Variants in CLSTN2 observed in about 807,000 individuals in gnomAD.
CLSTN2 encodes calsyntenin 2, also known as calsyntenin-2.
A neutral mutation model predicts 101.2 loss-of-function variants in CLSTN2; 48 were observed. The observed-to-expected ratio is 0.47, with a 90% CI of 0.38 to 0.60. The LOEUF is 0.60. CLSTN2 is among the 20% of genes least tolerant of loss of function. CLSTN2 has a pLI of 0.00. For synonymous variants in CLSTN2, 481 were observed against 463.6 expected (o/e 1.04, Z -0.48); for missense variants, 1,160 against 1,238.2 (o/e 0.94, Z 0.95).
At chr3:140,153,458 G>T (rs535254953) in intron 1 of CLSTN2, among the ~76,000 whole-genome samples, 1 of 152,366 alleles carries the variant, frequency 6.6e-6, no homozygotes, top group East Asian at 1.9e-4. Context: ...TCCAGTTCTG[G>T]GGCAGGCCCT....
intron 6 of CLSTN2, among the ~76,000 whole-genome samples, chr3:140,455,690 G>C (rs1933381784): frequency 6.6e-6 from 1 of 152,184 alleles, no homozygotes; most frequent in African/African-American, 2.4e-5. Context: ...TGTGTAGACA[G>C]TGCTGTATCA....
At chr3:140,100,835 A>G (rs2008953738) in intron 1 of CLSTN2, among the ~76,000 whole-genome samples, 1 of 152,236 alleles carries the variant, frequency 6.6e-6, no homozygotes, top group African/African-American at 2.4e-5. Context: ...GTGATGGTTC[A>G]TAATGGCTCC....
At chr3:140,407,921 G>T (rs930221146) in intron 4 of CLSTN2, among the ~76,000 whole-genome samples, 1 of 152,164 alleles carries the variant, frequency 6.6e-6, no homozygotes, top group Admixed American at 6.5e-5. Flanking sequence ...CAGGATGCAT[G>T]GCAGTGATGT....
intron 2 of CLSTN2, among the ~76,000 whole-genome samples, chr3:140,370,997 TG>T (rs2087850192): frequency 1.3e-5 from 2 of 152,224 alleles, no homozygotes; most frequent in South Asian, 4.1e-4. Context: ...CTGTGATTTC[TG>T]CAGAGTTTGA....
intron 2 of CLSTN2, among the ~76,000 whole-genome samples, chr3:140,340,753 G>T (rs2087484267): frequency 1.3e-5 from 2 of 152,070 alleles, no homozygotes; most frequent in Non-Finnish European, 2.9e-5. Flanking sequence ...TCCTTTTTCT[G>T]ATCCAGGGCC....
At position 140,399,868 on chromosome 3, in the gene CLSTN2, C is replaced by T. The variant is rs140415631; in HGVS notation, c.233-3761C>T. ...TTTTCCTGACCTTGCCTCCCTGCCTCCCTCCCCCTGTTTGTATTCCCCAGT... is the reference window on the plus strand; with the variant it reads ...TTTTCCTGACCTTGCCTCCCTGCCTTCCTCCCCCTGTTTGTATTCCCCAGT... On this transcript the variant is annotated intron_variant, in intron 2 of 16. Transcript: ENST00000458420. 4.7e-3 allele frequency among the ~76,000 whole-genome samples: 715 copies of T among 152,128 alleles called. 8 individuals carry two copies. The highest frequency in any genetic ancestry group is 0.017 in the African/African-American group (690 of 41,502).
At position 140,404,719 on chromosome 3, in the gene CLSTN2, A is replaced by C. The variant is rs772657107; in HGVS notation, c.590A>C (p.Asn197Thr). 6.2e-7 allele frequency: 1 copy of C among 1,614,224 alleles called. No individual in the cohort carries two copies. Among genetic ancestry groups the C allele is most frequent in the Non-Finnish European group, 8.5e-7 (1 of 1,180,038 alleles). Residue 197 changes from asparagine (N) to threonine (T), a missense_variant, in exon 4 of 17, where the codon AAC becomes ACC. Asn to Thr is a moderately conservative substitution (Grantham distance 65, BLOSUM62 0). Coordinates refer to ENST00000458420, the MANE Select transcript of CLSTN2 (RefSeq NM_022131.3). ...TCCCCACAGTACAGCCAGATCTGCA[A>C]CTATGAAATCGTCACCACAGATGTG... Reference protein sequence around the residue: ...DCSPQYSQICNYEIVTTDVPF... With the variant: ...DCSPQYSQICTYEIVTTDVPF...
At chr3:140,555,922 C>G (rs1335568221) in intron 10 of CLSTN2, among the ~76,000 whole-genome samples, 1 of 152,152 alleles carries the variant, frequency 6.6e-6, no homozygotes, top group Non-Finnish European at 1.5e-5. Context: ...CCCAGGGCTG[C>G]TGGCAGATGT....
chr3:139,959,788 A>G (rs544970776), intron 1 of CLSTN2, among the ~76,000 whole-genome samples: 1 of 151,960 alleles, frequency 6.6e-6, no homozygotes, highest in Non-Finnish European at 1.5e-5. Context: ...CTTTAAATAC[A>G]ACTTCTCTCT....
intron 2 of CLSTN2, among the ~76,000 whole-genome samples, chr3:140,354,989 C>G (rs1486917648): frequency 6.6e-6 from 1 of 152,184 alleles, no homozygotes; most frequent in Non-Finnish European, 1.5e-5. Context: ...CCATGTGACA[C>G]TCTAGGAGGC....
At position 140,490,139 on chromosome 3, in the gene CLSTN2, C is replaced by T. The variant is rs867822475; in HGVS notation, c.1344+23408C>T. Among the ~76,000 whole-genome samples, 4 of 104,534 alleles carry T rather than the reference C, an allele frequency of 3.8e-5. 1 individual carries two copies. The South Asian group carries it at 9.0e-4, about 24-fold the overall frequency. The allele number at this position is 104,534 out of a possible 152,430, so 68.6% of individuals were successfully genotyped here. A position where few individuals can be genotyped will look rare whatever the true frequency, so the allele number is the denominator to read the frequency against. ...ATATACACACACACACACACACACA[C>T]ACACACACACACACACACACACATA... On this transcript the variant is annotated intron_variant, in intron 8 of 16. Coordinates refer to ENST00000458420, the MANE Select transcript of CLSTN2 (RefSeq NM_022131.3).
At chr3:140,159,433 C>T (rs1032704317) in intron 1 of CLSTN2, among the ~76,000 whole-genome samples, 1 of 152,124 alleles carries the variant, frequency 6.6e-6, no homozygotes, top group Non-Finnish European at 1.5e-5. Context: ...CTCATCATTA[C>T]TAATCATCAG....
At chr3:140,182,580 A>G (rs1172281574) in intron 2 of CLSTN2, among the ~76,000 whole-genome samples, 1 of 152,168 alleles carries the variant, frequency 6.6e-6, no homozygotes, top group Non-Finnish European at 1.5e-5. Context: ...TTTGGGGGCC[A>G]TTCCTGAGGA....
At chr3:140,255,789 A>G (rs1467156617) in intron 2 of CLSTN2, among the ~76,000 whole-genome samples, 1 of 152,194 alleles carries the variant, frequency 6.6e-6, no homozygotes. Context: ...GAATTTTACT[A>G]AAAAGGAATT....
At chr3:140,170,831 C>A (rs566377609) in intron 1 of CLSTN2, among the ~76,000 whole-genome samples, 2 of 152,302 alleles carry the variant, frequency 1.3e-5, no homozygotes, top group South Asian at 4.2e-4. Context: ...GTGGCATCAC[C>A]ATCAGCATTT....
intron 1 of CLSTN2, among the ~76,000 whole-genome samples, chr3:140,079,506 T>G (rs2107780424): frequency 6.6e-6 from 1 of 152,206 alleles, no homozygotes; most frequent in African/African-American, 2.4e-5. Context: ...TCCCAGCACT[T>G]TGGGAGGCCA....
intron 1 of CLSTN2, among the ~76,000 whole-genome samples, chr3:140,172,234 G>T (rs928949823): frequency 2.6e-5 from 4 of 151,388 alleles, no homozygotes; most frequent in Non-Finnish European, 4.4e-5. Context: ...GGGGGTGAGC[G>T]GGGGGGACTA....
chr3:140,458,458 T>C (rs1225292622), intron 6 of CLSTN2, among the ~76,000 whole-genome samples: 1 of 152,062 alleles, frequency 6.6e-6, no homozygotes. Context: ...TGTCTGTGTA[T>C]AGAACAGAAG....
intron 1 of CLSTN2, among the ~76,000 whole-genome samples, chr3:140,028,931 A>G (rs573989315): frequency 6.6e-6 from 1 of 152,310 alleles, no homozygotes; most frequent in South Asian, 2.1e-4. Context: ...CGCTAAGCAG[A>G]AGACCCATTA....
Sources: allele counts gnomAD v4.1 joint callset (sites outside exome capture counted in the v4.1 genomes callset), GRCh38; gene constraint gnomAD v4.1.1; transcripts MANE v1.5; gene names NCBI Gene and HGNC (gene_info 2026-07-23, HGNC 2026-07-21).